TNFSF4: variants seen among roughly 807,000 people sequenced by gnomAD.
TNFSF4 encodes the protein tumor necrosis factor ligand superfamily member 4.
Under a neutral mutation model 7.3 loss-of-function variants are expected in TNFSF4, and 4 were observed. That is an observed-to-expected ratio of 0.55 (90% CI 0.27 to 1.25). The LOEUF (loss-of-function observed/expected upper bound fraction) is 1.25, where lower values mean the gene tolerates loss of function less well. Ranked by LOEUF, TNFSF4 falls within the 50% of genes most tolerant of loss-of-function variation. TNFSF4 has a pLI of 0.12. For synonymous variants in TNFSF4, 76 were observed against 83.7 expected (o/e 0.91, Z 0.50); for missense variants, 181 against 208.8 (o/e 0.87, Z 0.82).
the TNFSF4 span, among the ~76,000 whole-genome samples, chr1:173,420,876 AC>A: frequency 1.3e-5 from 2 of 152,182 alleles, no homozygotes; most frequent in Admixed American, 6.5e-5. Flanking sequence ...AGAGTCAGAA[AC>A]TTTTCCCCAA....
chr1:173,332,745 C>T, the TNFSF4 span, among the ~76,000 whole-genome samples: 1 of 151,890 alleles, frequency 6.6e-6, no homozygotes, highest in East Asian at 1.9e-4. Flanking sequence ...GTCCCAGCTA[C>T]TCAGGAGGCT....
the TNFSF4 span, among the ~76,000 whole-genome samples, chr1:173,281,933 C>G: frequency 6.6e-6 from 1 of 152,142 alleles, no homozygotes; most frequent in Non-Finnish European, 1.5e-5. Flanking sequence ...CCAAGTGTGT[C>G]CAACTCCCAG....
chr1:173,240,692 T>C, the TNFSF4 span, among the ~76,000 whole-genome samples: 1 of 152,306 alleles, frequency 6.6e-6, no homozygotes, highest in Admixed American at 6.5e-5. Context: ...CTGGGATATA[T>C]TATGAGTAAC....
At chr1:173,274,442 T>C in the TNFSF4 span, among the ~76,000 whole-genome samples, 44,124 of 151,980 alleles carry the variant, frequency 0.29, 6,542 homozygotes, top group East Asian at 0.37. Flanking sequence ...TATATGGATG[T>C]ATAATTGCAA....
the TNFSF4 span, among the ~76,000 whole-genome samples, chr1:173,382,874 TCACACACACACACACA>T: frequency 3.3e-5 from 3 of 91,206 alleles, no homozygotes; most frequent in Non-Finnish European, 6.6e-5. Context: ...TTTACTGTTT[TCACACACACACACACA>T]CACACACACA....
At chr1:173,234,170 T>C in the TNFSF4 span, among the ~76,000 whole-genome samples, 1 of 152,168 alleles carries the variant, frequency 6.6e-6, no homozygotes, top group African/African-American at 2.4e-5. Flanking sequence ...AAGAAGACAT[T>C]TATGCAGCCA....
intron 1 of TNFSF4, among the ~76,000 whole-genome samples, chr1:173,194,578 T>C (rs1649615307): frequency 1.3e-5 from 2 of 152,012 alleles, no homozygotes; most frequent in South Asian, 4.1e-4. Flanking sequence ...AATGAGGCCA[T>C]CCTTTGTGCA....
chr1:173,221,583 T>C, the TNFSF4 span, among the ~76,000 whole-genome samples: 1 of 152,188 alleles, frequency 6.6e-6, no homozygotes, highest in Non-Finnish European at 1.5e-5. Flanking sequence ...GCTGAGTAAC[T>C]GTGTGGTGGT....
the TNFSF4 span, among the ~76,000 whole-genome samples, chr1:173,403,175 T>A: frequency 4.6e-5 from 7 of 152,208 alleles, no homozygotes; most frequent in African/African-American, 1.4e-4. Flanking sequence ...TGCTAACAAG[T>A]TTTCAGGTGA....
At chr1:173,207,988 C>G (rs1267494311), upstream of TNFSF4, among the ~76,000 whole-genome samples, 1 of 152,092 alleles carries the variant, frequency 6.6e-6, no homozygotes, top group Non-Finnish European at 1.5e-5. Context: ...AGAAGGGTAT[C>G]CTTGTCTCCT....
chr1:173,248,104 C>T, the TNFSF4 span, among the ~76,000 whole-genome samples: 1 of 152,060 alleles, frequency 6.6e-6, no homozygotes, highest in East Asian at 1.9e-4. Flanking sequence ...ACCTGTAATC[C>T]CAGCACTTTG....
chr1:173,202,070 T>TATATATATATACACA lies in TNFSF4; in HGVS notation c.153+4953_153+4954insTGTGTATATATATAT, dbSNP rs150074641. On this transcript the variant is annotated intron_variant, in intron 1 of 2. Coordinates refer to ENST00000281834, the MANE Select transcript of TNFSF4 (RefSeq NM_003326.5). The stretch of plus-strand genomic sequence containing the variant: ...CTATATATATATACATATATATATA[T>TATATATATATACACA]ACACACACACATACACATATATATA... 8.3e-3 allele frequency among the ~76,000 whole-genome samples: 1,237 copies of TATATATATATACACA among 149,532 alleles called. 16 individuals are homozygous for TATATATATATACACA. Among genetic ancestry groups the TATATATATATACACA allele is most frequent in the Middle Eastern group, 0.021 (6 of 290 alleles).
the TNFSF4 span, among the ~76,000 whole-genome samples, chr1:173,295,375 C>A: frequency 0.09 from 13,722 of 151,894 alleles, 726 homozygotes; most frequent in Middle Eastern, 0.12. Flanking sequence ...GTGATGTATC[C>A]ATCCCACAAA....
At chr1:173,334,383 C>T in the TNFSF4 span, among the ~76,000 whole-genome samples, 1 of 152,184 alleles carries the variant, frequency 6.6e-6, no homozygotes, top group African/African-American at 2.4e-5. Context: ...TAATGACATT[C>T]GCCACTTGAT....
chr1:173,410,287 A>T, the TNFSF4 span, among the ~76,000 whole-genome samples: 1 of 152,174 alleles, frequency 6.6e-6, no homozygotes, highest in East Asian at 1.9e-4. Flanking sequence ...CATAAACAGA[A>T]GATGATGACA....
At chr1:173,398,495 G>A in the TNFSF4 span, among the ~76,000 whole-genome samples, 1 of 149,176 alleles carries the variant, frequency 6.7e-6, no homozygotes, top group Admixed American at 6.7e-5. Context: ...CGTGATCTCG[G>A]CTTACTGCAA....
At chr1:173,398,530 T>C in the TNFSF4 span, among the ~76,000 whole-genome samples, 1 of 149,890 alleles carries the variant, frequency 6.7e-6, no homozygotes, top group Admixed American at 6.7e-5. Flanking sequence ...GTTCACACCA[T>C]TCTCCTGCCT....
chr1:173,215,276 T>C, the TNFSF4 span, among the ~76,000 whole-genome samples: 1 of 151,828 alleles, frequency 6.6e-6, no homozygotes, highest in African/African-American at 2.4e-5. Context: ...TGTGAGAAAA[T>C]AAATTATTGT....
Position 173,198,701 on chromosome 1 carries a change from GAC to G in TNFSF4, c.153+8321_153+8322del, listed in dbSNP as rs555813699. ...AACAATCTGTACCCCAAACCCCTATGACACACAGTTTACCTGTATAACAAGCT... is the reference window on the plus strand; with the variant it reads ...AACAATCTGTACCCCAAACCCCTATGACACAGTTTACCTGTATAACAAGCT... On this transcript the variant is annotated intron_variant, in intron 1 of 2. Transcript: ENST00000281834. Among the ~76,000 whole-genome samples, 16 of 152,174 alleles carry G rather than the reference GAC, an allele frequency of 1.1e-4. 1 individual carries two copies. In the South Asian group the frequency reaches 3.1e-3, roughly 30 times the overall value.
Sources: allele counts gnomAD v4.1 joint callset (sites outside exome capture counted in the v4.1 genomes callset), GRCh38; gene constraint gnomAD v4.1.1; transcripts MANE v1.5; gene names NCBI Gene and HGNC (gene_info 2026-07-23, HGNC 2026-07-21).